The following ST18 variants were observed in gnomAD, a reference collection of about 807,000 sequenced individuals.
ST18 encodes ST18 C2H2C-type zinc finger transcription factor, also known as suppression of tumorigenicity 18 protein.
ST18 carries 50 observed loss-of-function variants against 110.0 expected under a neutral mutation model. The observed-to-expected ratio is 0.45, with a 90% CI of 0.36 to 0.58. ST18 has a LOEUF of 0.58. Among genes scored for constraint, ST18 ranks in the 20% least tolerant of loss-of-function variants. The pLI, the probability that ST18 is intolerant of heterozygous loss-of-function variation, is 0.00. For synonymous variants in ST18, 461 were observed against 452.4 expected (o/e 1.02, Z -0.24); for missense variants, 1,306 against 1,280.1 (o/e 1.02, Z -0.31).
intron 2 of ST18, among the ~76,000 whole-genome samples, chr8:52,335,079 A>G (rs1370934538): frequency 6.6e-6 from 1 of 152,230 alleles, no homozygotes; most frequent in Non-Finnish European, 1.5e-5. Context: ...TTTTATTTCT[A>G]GAATTTTACC....
At chr8:52,207,735 C>A (rs2080602162) in intron 8 of ST18, among the ~76,000 whole-genome samples, 1 of 152,032 alleles carries the variant, frequency 6.6e-6, no homozygotes, top group African/African-American at 2.4e-5. Flanking sequence ...CTCTAATATA[C>A]TTAAGAGGCC....
intron 8 of ST18, among the ~76,000 whole-genome samples, chr8:52,209,275 A>G (rs947185363): frequency 6.6e-6 from 1 of 152,218 alleles, no homozygotes; most frequent in Admixed American, 6.5e-5. Context: ...CTGGTGGGTG[A>G]GAAGCTGGCC....
chr8:52,318,130 A>G (rs2096062353), intron 2 of ST18, among the ~76,000 whole-genome samples: 1 of 152,222 alleles, frequency 6.6e-6, no homozygotes, highest in South Asian at 2.1e-4. Flanking sequence ...CAATCTATGC[A>G]TCTAACAAAG....
At chr8:52,168,690 G>A (rs528970559) in intron 10 of ST18, among the ~76,000 whole-genome samples, 2 of 152,218 alleles carry the variant, frequency 1.3e-5, no homozygotes, top group East Asian at 1.9e-4. Context: ...GGAAAGATAG[G>A]ACCTAAATGT....
At chr8:52,345,117 T>G (rs1817120060) in intron 2 of ST18, among the ~76,000 whole-genome samples, 7 of 152,204 alleles carry the variant, frequency 4.6e-5, no homozygotes, top group Admixed American at 4.6e-4. Flanking sequence ...AAAATATCAC[T>G]TTTCTTTTTC....
In ST18 at chr8:52,152,979, G is replaced by GA. The variant is rs557165195; in HGVS notation, c.1807-3003dup. Among the ~76,000 whole-genome samples, 57 of 152,152 alleles carry GA rather than the reference G, an allele frequency of 3.7e-4. No homozygotes were observed. In the South Asian group the frequency reaches 0.012, roughly 31 times the overall value. Reference sequence around the variant, plus strand: ...CATTCCTACTATGTTTACAACTAGGGAAAAAAGAGAGAAATGTGTTTTCTG... The same window carrying GA: ...CATTCCTACTATGTTTACAACTAGGGAAAAAAAGAGAGAAATGTGTTTTCTG... On this transcript the variant is annotated intron_variant, in intron 15 of 25. Coordinates refer to ENST00000689386, the MANE Select transcript of ST18 (RefSeq NM_001352837.2).
At chr8:52,128,334 G>A (rs1033850646) in intron 22 of ST18, among the ~76,000 whole-genome samples, 4 of 152,086 alleles carry the variant, frequency 2.6e-5, no homozygotes, top group Non-Finnish European at 5.9e-5. Context: ...AATGTATCTC[G>A]TGAACATAAT....
chr8:52,328,432 G>C (rs561785197), intron 2 of ST18, among the ~76,000 whole-genome samples: 2 of 152,248 alleles, frequency 1.3e-5, no homozygotes, highest in East Asian at 3.9e-4. Flanking sequence ...AATAATGATG[G>C]TGATAATAAT....
At chr8:52,188,346 T>C (rs2073177003) in intron 8 of ST18, among the ~76,000 whole-genome samples, 1 of 152,030 alleles carries the variant, frequency 6.6e-6, no homozygotes, top group African/African-American at 2.4e-5. Flanking sequence ...AGGGAGAAAA[T>C]GCAGAAACAG....
intron 13 of ST18, among the ~76,000 whole-genome samples, chr8:52,163,526 G>T (rs1262908875): frequency 6.6e-6 from 1 of 152,128 alleles, no homozygotes; most frequent in Non-Finnish European, 1.5e-5. Flanking sequence ...ATCATGGAAT[G>T]AATTTTTGTT....
intron 2 of ST18, among the ~76,000 whole-genome samples, chr8:52,379,742 T>C (rs994264670): frequency 2.0e-5 from 3 of 152,328 alleles, no homozygotes; most frequent in East Asian, 3.9e-4. Context: ...AACTCACACA[T>C]ATACTTACAG....
rs1275044742 is a variant in ST18 at position 52,137,424 on chromosome 8, C to T, written c.2228G>A (p.Arg743His). 4 of 1,614,030 alleles carry T rather than the reference C, an allele frequency of 2.5e-6. No individual in the cohort carries two copies. Among genetic ancestry groups the T allele is most frequent in the Non-Finnish European group, 3.4e-6 (4 of 1,179,976 alleles). Reference protein sequence around the residue: ...GHVTGNYASHRSVSGCPLADK... With the variant: ...GHVTGNYASHHSVSGCPLADK... ...TGCACATGAGGTCATTGGGTACCTG[C>T]GATGAGATGCATAGTTTCCTGTCAC... Residue 743 changes from arginine to histidine, a missense_variant, in exon 18 of 26, where the codon CGC (arginine) becomes CAC (histidine). Coordinates refer to ENST00000689386, the MANE Select transcript of ST18 (RefSeq NM_001352837.2).
intron 2 of ST18, among the ~76,000 whole-genome samples, chr8:52,299,340 T>C (rs938142426): frequency 2.0e-5 from 3 of 152,222 alleles, no homozygotes; most frequent in African/African-American, 7.2e-5. Context: ...TTTAATTTTG[T>C]CTAGTTTGTT....
At chr8:52,181,195 G>T (rs2069364724) in intron 8 of ST18, among the ~76,000 whole-genome samples, 1 of 152,184 alleles carries the variant, frequency 6.6e-6, no homozygotes, top group East Asian at 1.9e-4. Context: ...AATGTACTTT[G>T]AAGAAAAATG....
chr8:52,329,586 C>A (rs1234728876), intron 2 of ST18, among the ~76,000 whole-genome samples: 1 of 152,078 alleles, frequency 6.6e-6, no homozygotes, highest in African/African-American at 2.4e-5. Flanking sequence ...AAAACCCAGT[C>A]TCTACTAAAA....
chr8:52,392,119 C>A (rs539843423), intron 2 of ST18, among the ~76,000 whole-genome samples: 1 of 152,148 alleles, frequency 6.6e-6, no homozygotes, highest in African/African-American at 2.4e-5. Flanking sequence ...CATTTATGTG[C>A]CAGGATCTGT....
chr8:52,208,601 A>T (rs62501023), intron 8 of ST18, among the ~76,000 whole-genome samples: 3 of 151,992 alleles, frequency 2.0e-5, no homozygotes, highest in Non-Finnish European at 2.9e-5. Flanking sequence ...CCGAGGCGGG[A>T]GGATCACGAG....
intron 8 of ST18, among the ~76,000 whole-genome samples, chr8:52,198,238 C>T (rs999046039): frequency 2.6e-5 from 4 of 152,136 alleles, no homozygotes; most frequent in African/African-American, 9.7e-5. Flanking sequence ...AACTCCTGAC[C>T]TTGTGATCTG....
At position 52,149,823 on chromosome 8, in the gene ST18, G is replaced by A. The variant is rs769020500; in HGVS notation, c.1961C>T (p.Ala654Val). ...GTCACAAAGAGCCTGATAGAATGCT[G>A]CATTGACCAGAATGCTGCTTGTTTT... ...PFKTSSILVN[A>V]AFYQALCDQE... Residue 654 changes from alanine to valine, a missense_variant, in exon 16 of 26, where the codon GCA becomes GTA. Ala to Val is a moderately conservative substitution (Grantham distance 64, BLOSUM62 0). Coordinates refer to ENST00000689386, the MANE Select transcript of ST18 (RefSeq NM_001352837.2). 2.5e-6 allele frequency: 4 copies of A among 1,614,166 alleles called. No homozygotes were observed. Among genetic ancestry groups the A allele is most frequent in the Non-Finnish European group, 3.4e-6 (4 of 1,180,018 alleles).
Sources: allele counts gnomAD v4.1 joint callset (sites outside exome capture counted in the v4.1 genomes callset), GRCh38; gene constraint gnomAD v4.1.1; transcripts MANE v1.5; gene names NCBI Gene and HGNC (gene_info 2026-07-23, HGNC 2026-07-21).